Variants in MFAP1 observed in about 807,000 individuals in gnomAD.
MFAP1 encodes the protein microfibrillar-associated protein 1.
A neutral mutation model predicts 62.2 loss-of-function variants in MFAP1; 18 were observed. That is an observed-to-expected ratio of 0.29 (90% CI 0.20 to 0.43). The LOEUF (loss-of-function observed/expected upper bound fraction) is 0.43. Ranked by LOEUF, MFAP1 falls within the 20% of genes least tolerant of loss-of-function variation. The probability of loss-of-function intolerance (pLI) is 1.00; values close to 1 mark genes in which losing one functional copy is unlikely to be tolerated. For synonymous variants in MFAP1, 175 were observed against 180.4 expected, an observed-to-expected ratio of 0.97 and a Z score of 0.24; for missense variants, 355 against 559.7, an observed-to-expected ratio of 0.63 and a Z score of 3.69.
At chr15:43,818,308 A>G (rs2087446988) in intron 1 of MFAP1, among the ~76,000 whole-genome samples, 1 of 152,048 alleles carries the variant, frequency 6.6e-6, no homozygotes, top group African/African-American at 2.4e-5. Flanking sequence ...CGTGAGCCAC[A>G]GCACCCAGCC....
chr15:43,810,441 A>G lies in MFAP1; in HGVS notation c.888-527T>C, dbSNP rs1356441515. Among the ~76,000 whole-genome samples the G allele has an allele frequency of 4.0e-5, 6 of 149,760 alleles. No individual in the cohort carries two copies. The Admixed American group carries it at 4.0e-4, about 10-fold the overall frequency. On this transcript the variant is annotated intron_variant, in intron 6 of 8. Coordinates refer to ENST00000267812, the MANE Select transcript of MFAP1 (RefSeq NM_005926.3). ...GAGTGCAGTGGTGTGATCTTGGCTCACTGCAAGCTCCGCCTCCTGGGTTCA... is the reference window on the plus strand; with the variant it reads ...GAGTGCAGTGGTGTGATCTTGGCTCGCTGCAAGCTCCGCCTCCTGGGTTCA...
At chr15:43,816,391 C>G (rs1467043225) in intron 2 of MFAP1, among the ~76,000 whole-genome samples, 1 of 151,640 alleles carries the variant, frequency 6.6e-6, no homozygotes, top group African/African-American at 2.4e-5. Context: ...ATTACAGGTG[C>G]CCGCCACCAG....
chr15:43,805,514 T>A, intron 7 of MFAP1, 49 bp from the exon 8 acceptor site: 1 of 1,462,796 alleles, frequency 6.8e-7, no homozygotes, highest in Non-Finnish European at 9.3e-7. Flanking sequence ...TCCTATATAT[T>A]CAAACCACAA....
chr15:43,819,738 G>T (rs2087455799), intron 1 of MFAP1, among the ~76,000 whole-genome samples: 1 of 152,160 alleles, frequency 6.6e-6, no homozygotes, highest in Non-Finnish European at 1.5e-5. Flanking sequence ...TCAACATGTA[G>T]GCCAGGCTGG....
intron 2 of MFAP1, 88 bp downstream of exon 2, chr15:43,817,141 C>A: frequency 7.8e-7 from 1 of 1,276,086 alleles, no homozygotes; most frequent in Non-Finnish European, 1.1e-6. Context: ...ATGTAATCTA[C>A]TTGGTAGTAC....
At chr15:43,811,183 G>C (rs1216247721) in intron 6 of MFAP1, among the ~76,000 whole-genome samples, 1 of 151,402 alleles carries the variant, frequency 6.6e-6, no homozygotes, top group South Asian at 2.1e-4. Context: ...GGGAGGCCGA[G>C]GTGGGTGGAT....
At position 43,813,295 on chromosome 15, in the gene MFAP1, T is replaced by A. The variant is rs757813387; in HGVS notation, c.680A>T (p.Gln227Leu). The A allele has an allele frequency of 1.9e-6, 3 of 1,613,218 alleles. No individual in the cohort carries two copies. In the South Asian group the frequency reaches 3.3e-5, roughly 18 times the overall value. ...AEALKQKELE[Q>L]EAKRMAEERR... ...TTCCTCAGCCATGCGTTTTGCTTCC[T>A]GCTCCAGCTCCTTCTGTTTCAATGC... Residue 227 changes from glutamine to leucine, a missense_variant, in exon 5 of 9, where the codon CAG becomes CTG. By Grantham distance (113) the Gln-to-Leu change is moderately radical. This residue lies in a region of MFAP1 where 257 missense variants were observed against 341.3 expected (regional missense o/e 0.75). Transcript: ENST00000267812.
At chr15:43,815,496 T>C (rs1488223141) in intron 2 of MFAP1, among the ~76,000 whole-genome samples, 1 of 151,776 alleles carries the variant, frequency 6.6e-6, no homozygotes, top group Non-Finnish European at 1.5e-5. Context: ...AGTATTGAGG[T>C]GGAGGAAACT....
At chr15:43,822,467 G>A (rs2141713838) in intron 1 of MFAP1, among the ~76,000 whole-genome samples, 1 of 152,136 alleles carries the variant, frequency 6.6e-6, no homozygotes, top group East Asian at 1.9e-4. Context: ...TCCACCTGCC[G>A]GGTTCAAGTG....
chr15:43,819,129 G>A lies in MFAP1; in HGVS notation c.80-1681C>T, dbSNP rs1263604171. ...AATAACTTGAACCTGGAAGGTGGAG[G>A]TTGCAGTGAGCTGAGATCGTGCTAC... On this transcript the variant is annotated intron_variant, in intron 1 of 8. Coordinates refer to ENST00000267812, the MANE Select transcript of MFAP1 (RefSeq NM_005926.3). Among the ~76,000 whole-genome samples the A allele has an allele frequency of 3.3e-5, 5 of 152,218 alleles. No homozygotes were observed. The East Asian group carries it at 9.7e-4, about 29-fold the overall frequency.
chr15:43,823,453 T>C, intron 1 of MFAP1, among the ~76,000 whole-genome samples: 1 of 151,812 alleles, frequency 6.6e-6, no homozygotes, highest in East Asian at 1.9e-4. Context: ...CTCTGCTCAC[T>C]GCGACCTCCA....
chr15:43,816,383 T>C (rs2087433950), intron 2 of MFAP1, among the ~76,000 whole-genome samples: 1 of 152,022 alleles, frequency 6.6e-6, no homozygotes, highest in Non-Finnish European at 1.5e-5. Flanking sequence ...TAGCTGGGAT[T>C]ACAGGTGCCC....
At chr15:43,811,738 C>T (rs1302864778) in intron 6 of MFAP1, among the ~76,000 whole-genome samples, 1 of 151,876 alleles carries the variant, frequency 6.6e-6, no homozygotes, top group Non-Finnish European at 1.5e-5. Flanking sequence ...GAACTCTCAG[C>T]CTGAAGTGAT....
intron 7 of MFAP1, among the ~76,000 whole-genome samples, chr15:43,808,476 T>C (rs879566033): frequency 2.6e-5 from 4 of 152,196 alleles, no homozygotes; most frequent in Non-Finnish European, 5.9e-5. Context: ...TTACAGGCAT[T>C]AGCCAATGTA....
intron 1 of MFAP1, among the ~76,000 whole-genome samples, chr15:43,822,033 GA>G (rs2141713586): frequency 6.6e-6 from 1 of 152,084 alleles, no homozygotes; most frequent in Non-Finnish European, 1.5e-5. Context: ...AAAGCAAACA[GA>G]AAGTGGGTAA....
At chr15:43,814,452 T>C (rs373381718) in intron 4 of MFAP1, 49 bp downstream of exon 4, 9 of 1,542,124 alleles carry the variant, frequency 5.8e-6, no homozygotes, top group Non-Finnish European at 7.9e-6. Flanking sequence ...TCTCCAGGCC[T>C]GGAAAGTGGT....
intron 4 of MFAP1, 65 bp downstream of exon 4, chr15:43,814,436 C>T (rs2087422018): frequency 6.7e-7 from 1 of 1,502,886 alleles, no homozygotes; most frequent in Non-Finnish European, 8.9e-7. Flanking sequence ...AGAAAACAGA[C>T]TTTTGTCTCC....
intron 2 of MFAP1, among the ~76,000 whole-genome samples, chr15:43,815,579 A>C (rs1477006551): frequency 1.3e-5 from 2 of 152,116 alleles, no homozygotes; most frequent in Non-Finnish European, 2.9e-5. Flanking sequence ...TACTAAATGT[A>C]TGTTGAGGCA....
At chr15:43,821,236 T>C (rs1056853111) in intron 1 of MFAP1, among the ~76,000 whole-genome samples, 4 of 152,342 alleles carry the variant, frequency 2.6e-5, no homozygotes, top group African/African-American at 9.6e-5. Flanking sequence ...TATGTAATTT[T>C]ATTGAAAGAT....
Sources: allele counts gnomAD v4.1 joint callset (sites outside exome capture counted in the v4.1 genomes callset), GRCh38; gene constraint gnomAD v4.1.1; regional missense constraint gnomAD v4.1.1; transcripts MANE v1.5; gene names NCBI Gene and HGNC (gene_info 2026-07-23, HGNC 2026-07-21).